The following ERC1 variants were observed in gnomAD, a reference collection of about 807,000 sequenced individuals.
ERC1 encodes the protein RAB6 interacting protein 2.
In ERC1, 56 loss-of-function variants were observed where a neutral mutation model predicts 132.0. The ratio of observed to expected loss-of-function variants is 0.42; its 90% CI spans 0.34 to 0.53. The LOEUF is 0.53. ERC1 is among the 20% of genes least tolerant of loss of function. The probability of loss-of-function intolerance (pLI) is 0.03; values close to 1 mark genes in which losing one functional copy is unlikely to be tolerated. For synonymous variants in ERC1, 478 were observed against 476.1 expected (o/e 1.00, Z -0.05); for missense variants, 1,202 against 1,349.9 (o/e 0.89, Z 1.72).
intron 1 of ERC1, among the ~76,000 whole-genome samples, chr12:1,004,502 G>A (rs918726887): frequency 6.8e-5 from 10 of 146,844 alleles, no homozygotes; most frequent in Admixed American, 3.5e-4. Context: ...CGCCTCCTGG[G>A]TTCAGACAAT....
intron 17 of ERC1, among the ~76,000 whole-genome samples, chr12:1,425,030 TTTTTC>T (rs910236276): frequency 3.3e-5 from 5 of 152,276 alleles, no homozygotes; most frequent in South Asian, 2.1e-4. Context: ...AGAACCTTTT[TTTTTC>T]TTTTCTTATT....
In ERC1 at chr12:1,343,050, T is replaced by C. The variant is rs2154363108; in HGVS notation, c.2781-28783T>C. ...TCACAACTCCTTCCAGCCCCTAAAC[T>C]AATCAGTCCGGGCATTAGAGAGCTT... On this transcript the variant is annotated intron_variant, in intron 15 of 18. Transcript: ENST00000360905. Among the ~76,000 whole-genome samples, 2 of 152,308 alleles carry C rather than the reference T, an allele frequency of 1.3e-5. 1 individual carries two copies. Among genetic ancestry groups the C allele is most frequent in the South Asian group, 4.1e-4 (2 of 4,824 alleles).
chr12:1,133,169 G>T (rs148086923), intron 7 of ERC1, among the ~76,000 whole-genome samples: 10 of 135,320 alleles, frequency 7.4e-5, no homozygotes, highest in Admixed American at 6.0e-4. Flanking sequence ...GTTTTTTTTT[G>T]TTTGTTTGTT....
chr12:1,135,631 A>G (rs1949174055), intron 7 of ERC1, among the ~76,000 whole-genome samples: 1 of 152,210 alleles, frequency 6.6e-6, no homozygotes, highest in South Asian at 2.1e-4. Flanking sequence ...TCCTTATAGA[A>G]GAGAGAGGAC....
chr12:1,133,240 A>G (rs929200478), intron 7 of ERC1, among the ~76,000 whole-genome samples: 5 of 152,028 alleles, frequency 3.3e-5, no homozygotes, highest in Non-Finnish European at 7.4e-5. Context: ...AATATATAGT[A>G]TACAAAATAC....
chr12:1,179,500 CTTTTTTTTTTTTTTTT>C (rs58317880), intron 8 of ERC1, among the ~76,000 whole-genome samples: 109 of 95,750 alleles, frequency 1.1e-3, no homozygotes, highest in African/African-American at 4.3e-3. Context: ...ATTCATTTTT[CTTTTTTTTTTTTTTTT>C]TTTTTTTTTG....
intron 1 of ERC1, among the ~76,000 whole-genome samples, chr12:1,005,609 C>T (rs964730518): frequency 6.6e-5 from 10 of 151,982 alleles, no homozygotes; most frequent in African/African-American, 2.4e-4. Context: ...TATAGTATTG[C>T]CAAGTTTCTG....
intron 15 of ERC1, among the ~76,000 whole-genome samples, chr12:1,308,431 A>C (rs1335389681): frequency 6.6e-6 from 1 of 152,212 alleles, no homozygotes; most frequent in Non-Finnish European, 1.5e-5. Context: ...GAATACTTGA[A>C]AATTCTTCAA....
At position 1,215,431 on chromosome 12, in the gene ERC1, A is replaced by G. The variant is rs1351514364; in HGVS notation, c.2352-21338A>G. ...ACTGTGAGCAGCAATTTAACAGCAT[A>G]TTCAATTAATACTGGTACTTTGCAC... On this transcript the variant is annotated intron_variant, in intron 12 of 18. Transcript: ENST00000360905. Among the ~76,000 whole-genome samples, 3 of 152,362 alleles carry G rather than the reference A, an allele frequency of 2.0e-5. No homozygotes were observed. The East Asian group carries it at 5.8e-4, about 29-fold the overall frequency.
chr12:1,259,526 T>TTTC (rs2077015656), intron 13 of ERC1, among the ~76,000 whole-genome samples: 3 of 142,132 alleles, frequency 2.1e-5, no homozygotes, highest in Non-Finnish European at 3.1e-5. Context: ...CTTTCTTTTT[T>TTTC]TTTTTTTTTT....
chr12:1,161,004 T>C (rs1237182590), intron 8 of ERC1, among the ~76,000 whole-genome samples: 1 of 152,234 alleles, frequency 6.6e-6, no homozygotes, highest in Non-Finnish European at 1.5e-5. Flanking sequence ...TAGTCTTTGC[T>C]GTTTCTTCTT....
intron 1 of ERC1, among the ~76,000 whole-genome samples, chr12:1,024,063 G>C (rs963007443): frequency 6.6e-6 from 1 of 152,118 alleles, no homozygotes; most frequent in Non-Finnish European, 1.5e-5. Flanking sequence ...GATGAGATAC[G>C]TAAATTTGAT....
chr12:1,484,274 C>T (rs1032004038), intron 18 of ERC1, among the ~76,000 whole-genome samples: 1 of 150,768 alleles, frequency 6.6e-6, no homozygotes, highest in Admixed American at 6.6e-5. Flanking sequence ...CACTGCACTC[C>T]AGCCTGGTGA....
chr12:1,276,342 T>C (rs1171895782), intron 14 of ERC1, among the ~76,000 whole-genome samples: 1 of 151,774 alleles, frequency 6.6e-6, no homozygotes, highest in Non-Finnish European at 1.5e-5. Flanking sequence ...GTTCAAGCAA[T>C]TATCCCTGCC....
At chr12:1,050,775 G>A (rs1455615863) in intron 2 of ERC1, among the ~76,000 whole-genome samples, 1 of 152,184 alleles carries the variant, frequency 6.6e-6, no homozygotes. Flanking sequence ...GGAGGCCGAG[G>A]CGGGTTGATC....
intron 1 of ERC1, among the ~76,000 whole-genome samples, chr12:1,010,715 G>A (rs990101695): frequency 6.6e-6 from 1 of 151,806 alleles, no homozygotes; most frequent in African/African-American, 2.4e-5. Context: ...TTTTTACCAT[G>A]TTGGCCAGGC....
chr12:1,179,585 G>T lies in ERC1; in HGVS notation c.1738-955G>T, dbSNP rs1954154554. Among the ~76,000 whole-genome samples, 3 of 136,556 alleles carry T rather than the reference G, an allele frequency of 2.2e-5. No individual in the cohort carries two copies. In the South Asian group the frequency reaches 6.7e-4, roughly 30 times the overall value. 89.6% of individuals were successfully genotyped at this position (136,556 alleles called of 152,430 possible). On this transcript the variant is annotated intron_variant, in intron 8 of 18. Coordinates refer to ENST00000360905, the MANE Select transcript of ERC1 (RefSeq NM_178040.4). ...TGCAGTGGCGGGATCTCGGCTCACT[G>T]CAGGCTCCGCCTCCCGGGTTCACGC... is the stretch of plus-strand genomic sequence containing the variant.
chr12:1,289,770 C>G (rs1009187056), intron 14 of ERC1, 82 bp from the exon 15 acceptor site: 1 of 1,102,026 alleles, frequency 9.1e-7, no homozygotes, highest in African/African-American at 1.6e-5. Flanking sequence ...ATTTTCTGGA[C>G]CCAGGAGTTG....
At position 1,027,916 on chromosome 12, in the gene ERC1, G is replaced by T. The variant is rs936122168; in HGVS notation, c.13G>T (p.Ala5Ser). ...TGACCTTGCAACCATGTATGGAAGTGCCCGCTCTGTTGGGAAGGTGGAGCC... is the reference window on the plus strand; with the variant it reads ...TGACCTTGCAACCATGTATGGAAGTTCCCGCTCTGTTGGGAAGGTGGAGCC... MYGS[A>S]RSVGKVEPSS... Residue 5 changes from alanine (A) to serine (S), a missense_variant, in exon 2 of 19, where the codon GCC (alanine) becomes TCC (serine). Coordinates refer to ENST00000360905, the MANE Select transcript of ERC1 (RefSeq NM_178040.4). 2 of 1,607,144 alleles carry T rather than the reference G, an allele frequency of 1.2e-6. No homozygotes were observed. The highest frequency in any genetic ancestry group is 2.2e-5 in the East Asian group (1 of 44,752).
Sources: gnomAD v4.1 joint callset for allele counts (sites outside exome capture counted in the v4.1 genomes callset) on GRCh38, gnomAD v4.1.1 for gene constraint, MANE v1.5 for transcripts, NCBI Gene and HGNC (gene_info 2026-07-23, HGNC 2026-07-21) for gene names.